Variants in NEK11 observed in about 807,000 individuals in gnomAD.
NEK11 encodes serine/threonine-protein kinase Nek11.
A neutral mutation model predicts 80.7 loss-of-function variants in NEK11; 72 were observed. That is an observed-to-expected ratio of 0.89 (90% CI 0.74 to 1.08). The LOEUF (loss-of-function observed/expected upper bound fraction) is 1.08. Among genes scored for constraint, NEK11 ranks in the 50% least tolerant of loss-of-function variants. The probability of loss-of-function intolerance (pLI) is 0.00; values close to 1 mark genes in which losing one functional copy is unlikely to be tolerated. For missense variants in NEK11, 764 were observed against 763.6 expected, an observed-to-expected ratio of 1.00 and a Z score of -0.01; for synonymous variants, 251 against 260.7, an observed-to-expected ratio of 0.96 and a Z score of 0.36.
chr3:131,202,445 C>T (rs2094274567), intron 14 of NEK11, among the ~76,000 whole-genome samples: 1 of 152,174 alleles, frequency 6.6e-6, no homozygotes, highest in African/African-American at 2.4e-5. Context: ...GAGATTATAT[C>T]CAGCACCTGG....
chr3:131,154,434 C>A (rs2090275841), intron 9 of NEK11, among the ~76,000 whole-genome samples: 1 of 152,082 alleles, frequency 6.6e-6, no homozygotes, highest in African/African-American at 2.4e-5. Context: ...CTTAAAATCC[C>A]AGGTAACAAG....
At chr3:131,151,189 A>G (rs2089569500) in intron 7 of NEK11, among the ~76,000 whole-genome samples, 1 of 152,038 alleles carries the variant, frequency 6.6e-6, no homozygotes, top group Non-Finnish European at 1.5e-5. Flanking sequence ...TTTACTACCT[A>G]TGTGACCTTG....
chr3:131,261,078 T>C (rs2108474601), intron 16 of NEK11, among the ~76,000 whole-genome samples: 1 of 152,320 alleles, frequency 6.6e-6, no homozygotes, highest in African/African-American at 2.4e-5. Context: ...AGAAGAAATT[T>C]TTCAAAGAAA....
chr3:131,185,118 C>T (rs980380769), intron 14 of NEK11, among the ~76,000 whole-genome samples: 1 of 152,124 alleles, frequency 6.6e-6, no homozygotes, highest in African/African-American at 2.4e-5. Flanking sequence ...CAGCACTTTC[C>T]ATATGACAGA....
rs145119467 is a variant in NEK11, at chr3:131,214,005, A to G, written c.1400-14523A>G. Among the ~76,000 whole-genome samples the G allele has an allele frequency of 7.1e-3, 1,087 of 152,296 alleles. 11 individuals carry two copies. The highest frequency in any genetic ancestry group is 0.011 in the Non-Finnish European group (779 of 68,028). On this transcript the variant is annotated intron_variant, in intron 14 of 17. Coordinates refer to ENST00000383366, the MANE Select transcript of NEK11 (RefSeq NM_024800.5). Reference sequence around the variant, plus strand: ...CTCTATGTTTCCATGCTCCTCCACCATATGAGGATACAAGAAGAGGACAGC... The same window carrying G: ...CTCTATGTTTCCATGCTCCTCCACCGTATGAGGATACAAGAAGAGGACAGC...
At chr3:131,061,628 T>G (rs192259855) in intron 3 of NEK11, among the ~76,000 whole-genome samples, 2 of 152,320 alleles carry the variant, frequency 1.3e-5, no homozygotes, top group African/African-American at 4.8e-5. Context: ...ACAAAGTAAT[T>G]TACTTTAAAG....
In NEK11 at chr3:131,181,639, G is replaced by C. The variant is rs537051798; in HGVS notation, c.1399+10752G>C. 2.6e-5 allele frequency among the ~76,000 whole-genome samples: 4 copies of C among 151,790 alleles called. No individual in the cohort carries two copies. In the East Asian group the frequency reaches 7.7e-4, roughly 29 times the overall value. ...CGGGCGCCTGTAGTCCCAGCTACTT[G>C]GGAGGCTGAGGCAGGAGAATGGCGT... On this transcript the variant is annotated intron_variant, in intron 14 of 17. Transcript: ENST00000383366.
intron 14 of NEK11, among the ~76,000 whole-genome samples, chr3:131,190,016 A>C (rs541391059): frequency 7.9e-5 from 12 of 152,352 alleles, no homozygotes; most frequent in Admixed American, 2.0e-4. Context: ...TACTATTTTT[A>C]ATCACATATA....
chr3:131,249,254 A>C (rs2095658223), intron 16 of NEK11, among the ~76,000 whole-genome samples: 1 of 152,128 alleles, frequency 6.6e-6, no homozygotes, highest in Admixed American at 6.6e-5. Context: ...TAAGTGCCTA[A>C]GATGTATATA....
In NEK11 at chr3:131,027,024, C is replaced by T. The variant is rs1008364202; in HGVS notation, c.-170+18C>T. On this transcript the variant is annotated intron_variant, in intron 1 of 17. Coordinates refer to ENST00000383366, the MANE Select transcript of NEK11 (RefSeq NM_024800.5). ...AGGGAAAGGTAAAGCGAACTGTCCT[C>T]CTTGGGGCTAGCCAGGCTCCCCTGC... The T allele has an allele frequency of 1.2e-4, 18 of 152,322 alleles. No homozygotes were observed. Among genetic ancestry groups the T allele is most frequent in the African/African-American group, 4.1e-4 (17 of 41,458 alleles). 9.4% of individuals were successfully genotyped at this position (152,322 alleles called of 1,614,324 possible).
intron 7 of NEK11, among the ~76,000 whole-genome samples, chr3:131,138,037 C>T (rs1245734681): frequency 2.0e-5 from 3 of 152,176 alleles, no homozygotes; most frequent in East Asian, 3.8e-4. Context: ...CACAAAGGAA[C>T]CACCTTCATA....
intron 13 of NEK11, 83 bp from the exon 14 acceptor site, chr3:131,170,690 C>A (rs2092626178): frequency 2.2e-6 from 2 of 893,258 alleles, no homozygotes; most frequent in Admixed American, 1.8e-5. Context: ...AAGTAGTCTT[C>A]TAAATAAGAA....
chr3:131,049,735 T>G (rs1043261167), intron 3 of NEK11, among the ~76,000 whole-genome samples: 1 of 152,194 alleles, frequency 6.6e-6, no homozygotes, highest in Non-Finnish European at 1.5e-5. Flanking sequence ...GCCTCATTTA[T>G]AACAATAATA....
chr3:131,195,195 A>G (rs1332980365), intron 14 of NEK11, among the ~76,000 whole-genome samples: 1 of 152,110 alleles, frequency 6.6e-6, no homozygotes, highest in East Asian at 1.9e-4. Flanking sequence ...TGTGTAGGAT[A>G]TACAACAGAA....
chr3:131,209,300 C>G (rs1481531887), intron 14 of NEK11, among the ~76,000 whole-genome samples: 1 of 152,144 alleles, frequency 6.6e-6, no homozygotes, highest in Non-Finnish European at 1.5e-5. Context: ...ATATGTTGAA[C>G]CAGCCTTGCA....
At chr3:131,310,396 G>A (rs2096769804) in intron 17 of NEK11, among the ~76,000 whole-genome samples, 1 of 152,168 alleles carries the variant, frequency 6.6e-6, no homozygotes, top group South Asian at 2.1e-4. Flanking sequence ...GGGTTTTAAT[G>A]TGATGATTAA....
At chr3:131,186,396 A>G (rs1192934486) in intron 14 of NEK11, among the ~76,000 whole-genome samples, 1 of 152,158 alleles carries the variant, frequency 6.6e-6, no homozygotes, top group Non-Finnish European at 1.5e-5. Context: ...AGGTCTGTAG[A>G]CAGCCCCCAG....
intron 7 of NEK11, among the ~76,000 whole-genome samples, chr3:131,139,382 C>T (rs2086362297): frequency 6.7e-6 from 1 of 148,772 alleles, no homozygotes; most frequent in Admixed American, 6.7e-5. Context: ...ATGGAGCACA[C>T]CTCCAAGATC....
At chr3:131,046,289 A>G (rs1020037322) in intron 3 of NEK11, among the ~76,000 whole-genome samples, 4 of 152,182 alleles carry the variant, frequency 2.6e-5, no homozygotes, top group African/African-American at 4.8e-5. Flanking sequence ...CAGTTCTTAC[A>G]GTGCTGGCTT....
Sources: gnomAD v4.1 joint callset for allele counts (sites outside exome capture counted in the v4.1 genomes callset) on GRCh38, gnomAD v4.1.1 for gene constraint, MANE v1.5 for transcripts, NCBI Gene and HGNC (gene_info 2026-07-23, HGNC 2026-07-21) for gene names.